XXYLT1: variants seen among roughly 807,000 people sequenced by gnomAD.
The protein encoded by XXYLT1 is xyloside xylosyltransferase 1, also known as UDP-xylose:alpha-xyloside alpha-1,3-xylosyltransferase.
Under a neutral mutation model 28.9 loss-of-function variants are expected in XXYLT1, and 20 were observed. The ratio of observed to expected loss-of-function variants is 0.69; its 90% CI spans 0.49 to 1.00. The LOEUF (loss-of-function observed/expected upper bound fraction) is 1.00. Among genes scored for constraint, XXYLT1 ranks in the 50% least tolerant of loss-of-function variants. XXYLT1 has a pLI of 0.00. For missense variants in XXYLT1, 542 were observed against 560.1 expected, an observed-to-expected ratio of 0.97 and a Z score of 0.33; for synonymous variants, 257 against 253.8, an observed-to-expected ratio of 1.01 and a Z score of -0.12.
intron 1 of XXYLT1, among the ~76,000 whole-genome samples, chr3:195,243,988 A>G (rs907791120): frequency 1.3e-5 from 2 of 152,206 alleles, no homozygotes; most frequent in African/African-American, 2.4e-5. Flanking sequence ...CTGACAGTTC[A>G]AAAGTGACAG....
At position 195,110,910 on chromosome 3, in the gene XXYLT1, GGT is replaced by G. The variant is rs1347250323; in HGVS notation, c.786-40801_786-40800del. 3.2e-3 allele frequency among the ~76,000 whole-genome samples: 122 copies of G among 38,246 alleles called. 32 individuals are homozygous for G. The highest frequency in any genetic ancestry group is 9.5e-3 in the African/African-American group (109 of 11,458). 25.1% of individuals were successfully genotyped at this position (38,246 alleles called of 152,430 possible). On this transcript the variant is annotated intron_variant, in intron 3 of 3. Transcript: ENST00000310380. ...GTGCGTGTGTGTGGGTGAGGTGTGT[GGT>G]GTGTGTGTGTGGTGTGTGTGAGGTA...
intron 1 of XXYLT1, chr3:195,247,793 C>T (rs1725091410): frequency 1.4e-6 from 1 of 702,586 alleles, no homozygotes; most frequent in Non-Finnish European, 2.6e-6. Context: ...GCTGGGGAGG[C>T]CTCAGGAAAC....
In XXYLT1 at chr3:195,257,743, C is replaced by T. The variant is rs967008427; in HGVS notation, c.504+12812G>A. Reference sequence around the variant, plus strand: ...CAGCCAGGCCGCCCTACCCCAGCTGCCCCCCTCTGCCCCATCTTCTGGTCA... The same window carrying T: ...CAGCCAGGCCGCCCTACCCCAGCTGTCCCCCTCTGCCCCATCTTCTGGTCA... On this transcript the variant is annotated intron_variant, in intron 1 of 3. Coordinates refer to ENST00000310380, the MANE Select transcript of XXYLT1 (RefSeq NM_152531.5). The surrounding 1 kb of genome is among the most constrained non-coding windows in gnomAD (Gnocchi z 4.3). Among the ~76,000 whole-genome samples the T allele has an allele frequency of 3.3e-5, 5 of 152,108 alleles. No individual in the cohort carries two copies. Among genetic ancestry groups the T allele is most frequent in the Non-Finnish European group, 5.9e-5 (4 of 68,008 alleles).
intron 3 of XXYLT1, among the ~76,000 whole-genome samples, chr3:195,088,386 C>CG (rs921751470): frequency 3.4e-5 from 5 of 146,294 alleles, no homozygotes; most frequent in Non-Finnish European, 7.7e-5. Context: ...CCCTGACCCC[C>CG]GAGCAGCCTA....
intron 3 of XXYLT1, chr3:195,095,285 T>G (rs533787424): frequency 6.5e-6 from 1 of 153,848 alleles, no homozygotes; most frequent in Admixed American, 6.5e-5. Flanking sequence ...CTTGCTCCAG[T>G]CTTCTCCCTG....
chr3:195,197,929 C>T (rs1577135110), intron 2 of XXYLT1, among the ~76,000 whole-genome samples: 1 of 152,234 alleles, frequency 6.6e-6, no homozygotes, highest in Non-Finnish European at 1.5e-5. Flanking sequence ...ACTGGCCTCA[C>T]CCACCAGTTA....
chr3:195,075,589 A>G (rs1003608891), intron 3 of XXYLT1, among the ~76,000 whole-genome samples: 1 of 152,220 alleles, frequency 6.6e-6, no homozygotes, highest in African/African-American at 2.4e-5. Context: ...CAGGAGGCGC[A>G]GAGGCTGTGC....
intron 1 of XXYLT1, among the ~76,000 whole-genome samples, chr3:195,247,573 C>T (rs1427576954): frequency 6.6e-6 from 1 of 152,254 alleles, no homozygotes; most frequent in African/African-American, 2.4e-5. Context: ...AATGGCCCCC[C>T]ACCTCCTTCC....
At chr3:195,221,020 T>C (rs1003248650) in intron 2 of XXYLT1, among the ~76,000 whole-genome samples, 19 of 152,270 alleles carry the variant, frequency 1.2e-4, no homozygotes, top group African/African-American at 4.3e-4. Flanking sequence ...TGATAGAATG[T>C]GGTGTGTCAC....
intron 1 of XXYLT1, among the ~76,000 whole-genome samples, chr3:195,253,237 T>G (rs1725342687): frequency 6.6e-6 from 1 of 152,116 alleles, no homozygotes; most frequent in African/African-American, 2.4e-5. Flanking sequence ...CCTCTCATAT[T>G]TCCAGGCTGG....
intron 1 of XXYLT1, among the ~76,000 whole-genome samples, chr3:195,258,840 G>A (rs759898486): frequency 3.9e-5 from 6 of 152,230 alleles, no homozygotes; most frequent in Non-Finnish European, 7.3e-5. Context: ...AAACACCGTA[G>A]TTTGGAGAAT....
chr3:195,140,332 C>T (rs1284739941), intron 3 of XXYLT1, among the ~76,000 whole-genome samples: 1 of 152,214 alleles, frequency 6.6e-6, no homozygotes, highest in South Asian at 2.1e-4. Flanking sequence ...TCCTATTCAA[C>T]CCATGCCCAA....
chr3:195,162,690 C>T (rs1720931925), intron 2 of XXYLT1, among the ~76,000 whole-genome samples: 1 of 152,214 alleles, frequency 6.6e-6, no homozygotes, highest in African/African-American at 2.4e-5. Flanking sequence ...CTTCCTCATC[C>T]TTAGCACCTT....
At chr3:195,082,420 G>A (rs1715485906) in intron 3 of XXYLT1, among the ~76,000 whole-genome samples, 1 of 152,214 alleles carries the variant, frequency 6.6e-6, no homozygotes, top group African/African-American at 2.4e-5. Context: ...CTGAGCAGCT[G>A]TGCAGGAGCA....
At chr3:195,073,949 A>G (rs1392741472) in intron 3 of XXYLT1, among the ~76,000 whole-genome samples, 1 of 152,172 alleles carries the variant, frequency 6.6e-6, no homozygotes, top group East Asian at 1.9e-4. Flanking sequence ...CGCTCTGCTA[A>G]GGGCTCTCGA....
At chr3:195,110,897 G>GT (rs1717668759) in intron 3 of XXYLT1, among the ~76,000 whole-genome samples, 1 of 49,310 alleles carries the variant, frequency 2.0e-5, no homozygotes, top group African/African-American at 8.1e-5. Context: ...GCGTGTGTGT[G>GT]GGTGAGGTGT....
chr3:195,171,367 G>A (rs1168022843), intron 2 of XXYLT1, among the ~76,000 whole-genome samples: 1 of 152,180 alleles, frequency 6.6e-6, no homozygotes, highest in African/African-American at 2.4e-5. Context: ...TGTATTTGTT[G>A]AGTCAGTCAG....
chr3:195,184,514 C>T, intron 2 of XXYLT1: 1 of 674,492 alleles, frequency 1.5e-6, no homozygotes, highest in Non-Finnish European at 1.8e-6. Flanking sequence ...TGGCTGACAC[C>T]ATACCTCAGA....
rs887725676 is a variant in XXYLT1 at position 195,255,246 on chromosome 3, T to A, written c.504+15309A>T. The stretch of plus-strand genomic sequence containing the variant: ...ACAACAGGGAGCCGCCGACCAGGCC[T>A]GGAGATCCCTGTGACAGTCACGGCA... On this transcript the variant is annotated intron_variant, in intron 1 of 3. Coordinates refer to ENST00000310380, the MANE Select transcript of XXYLT1 (RefSeq NM_152531.5). This position sits in a 1 kb window ranked among gnomAD's most constrained non-coding sequence, Gnocchi z 4.5. Among the ~76,000 whole-genome samples the A allele has an allele frequency of 6.6e-6, 1 of 152,186 alleles. No individual in the cohort carries two copies. The highest frequency in any genetic ancestry group is 1.5e-5 in the Non-Finnish European group (1 of 68,026).
Sources: gnomAD v4.1 joint callset for allele counts (sites outside exome capture counted in the v4.1 genomes callset) on GRCh38, gnomAD v4.1.1 for gene constraint, Gnocchi (gnomAD v3.1) non-coding constraint, MANE v1.5 for transcripts, NCBI Gene and HGNC (gene_info 2026-07-23, HGNC 2026-07-21) for gene names.